The following PDCD6 variants were observed in gnomAD, a reference collection of about 807,000 sequenced individuals.
PDCD6 encodes the protein programmed cell death 6.
In PDCD6, 12 loss-of-function variants were observed where a neutral mutation model predicts 28.3. The observed-to-expected ratio is 0.42, with a 90% CI of 0.27 to 0.69. The LOEUF is 0.69. PDCD6 is among the 30% of genes least tolerant of loss of function. The pLI is 0.22. For missense variants in PDCD6, 226 were observed against 269.9 expected (o/e 0.84, Z 1.14); for synonymous variants, 92 against 108.0 (o/e 0.85, Z 0.92).
intron 2 of PDCD6, among the ~76,000 whole-genome samples, chr5:296,426 C>T (rs1739615756): frequency 6.6e-6 from 1 of 152,212 alleles, no homozygotes; most frequent in Non-Finnish European, 1.5e-5. Flanking sequence ...CACCTGGTGT[C>T]ACTGTTTGCA....
intron 2 of PDCD6, among the ~76,000 whole-genome samples, chr5:285,009 C>T (rs1213009747): frequency 1.3e-5 from 2 of 149,882 alleles, no homozygotes; most frequent in African/African-American, 4.9e-5. Context: ...ATCCGGGTCT[C>T]CAGCTGCACA....
intron 2 of PDCD6, among the ~76,000 whole-genome samples, chr5:278,871 G>C (rs1738381902): frequency 6.7e-6 from 1 of 150,374 alleles, no homozygotes; most frequent in Non-Finnish European, 1.5e-5. Context: ...TGGGGACACG[G>C]GAGGGGCTGG....
chr5:307,691 G>A lies in PDCD6; in HGVS notation c.367+931G>A, dbSNP rs1054832786. On this transcript the variant is annotated intron_variant, in intron 4 of 5. Coordinates refer to ENST00000264933, the MANE Select transcript of PDCD6 (RefSeq NM_013232.4). The surrounding 1 kb of genome is among the most constrained non-coding windows in gnomAD (Gnocchi z 6.1). ...TGGCCCCTGTTGTGAAGCCGCTTCC[G>A]TGATTTGCTTAAAAGGCTCCTTAGA... is the stretch of plus-strand genomic sequence containing the variant. 5.9e-5 allele frequency among the ~76,000 whole-genome samples: 9 copies of A among 152,104 alleles called. No homozygotes were observed. Among genetic ancestry groups the A allele is most frequent in the East Asian group, 1.9e-4 (1 of 5,184 alleles).
intron 2 of PDCD6, among the ~76,000 whole-genome samples, chr5:296,383 A>G (rs6885901): frequency 0.38 from 56,991 of 151,570 alleles, 12,351 homozygotes; most frequent in South Asian, 0.5. Flanking sequence ...TTCACGCCCC[A>G]CGTGCACCTG....
chr5:306,210 C>T (rs957171014), intron 3 of PDCD6: 3 of 229,342 alleles, frequency 1.3e-5, no homozygotes, highest in South Asian at 6.6e-5. Context: ...CGTTCTAGGC[C>T]GAGACCCAGG....
rs1740450754 is a variant in PDCD6 at position 305,924 on chromosome 5, C to T, written c.209-678C>T. On this transcript the variant is annotated intron_variant, in intron 3 of 5. Transcript: ENST00000264933. This position sits in a 1 kb window ranked among gnomAD's most constrained non-coding sequence, Gnocchi z 4.0. Reference sequence around the variant, plus strand: ...TAGTCTTATTGCAGTCCTGTATTAACCTCTGTTCTTGAAAAGAGACCACGT... The same window carrying T: ...TAGTCTTATTGCAGTCCTGTATTAATCTCTGTTCTTGAAAAGAGACCACGT... 2 of 153,124 alleles carry T rather than the reference C, an allele frequency of 1.3e-5. No individual in the cohort carries two copies. The highest frequency in any genetic ancestry group is 4.8e-5 in the African/African-American group (2 of 41,428). The allele number at this position is 153,124 out of a possible 1,614,324, so 9.5% of individuals were successfully genotyped here.
rs1233681594 is a variant in PDCD6 at position 293,465 on chromosome 5, T to C, written c.164-10712T>C. ...TGGGAGCTGCAAACGCCCGCGATACTGTCAGAGATGGAGAAAGGTATGACA... is the reference window on the plus strand; with the variant it reads ...TGGGAGCTGCAAACGCCCGCGATACCGTCAGAGATGGAGAAAGGTATGACA... On this transcript the variant is annotated intron_variant, in intron 2 of 5. Transcript: ENST00000264933. Among the ~76,000 whole-genome samples the C allele has an allele frequency of 1.2e-4, 11 of 93,912 alleles. 1 individual carries two copies. The highest frequency in any genetic ancestry group is 1.7e-4 in the Non-Finnish European group (7 of 40,010). 61.6% of individuals were successfully genotyped at this position (93,912 alleles called of 152,430 possible). A position where few individuals can be genotyped will look rare whatever the true frequency, so the allele number is the denominator to read the frequency against.
At chr5:288,311 T>TATACAC (rs34574011) in intron 2 of PDCD6, among the ~76,000 whole-genome samples, 154 of 144,950 alleles carry the variant, frequency 1.1e-3, no homozygotes, top group Middle Eastern at 3.6e-3. Context: ...TATATATATA[T>TATACAC]ACACATATGT....
intron 2 of PDCD6, among the ~76,000 whole-genome samples, chr5:290,731 G>A (rs1393451483): frequency 4.6e-5 from 7 of 152,244 alleles, no homozygotes; most frequent in African/African-American, 1.7e-4. Context: ...GATGCAGCAG[G>A]TGTCACAGAA....
intron 2 of PDCD6, among the ~76,000 whole-genome samples, chr5:277,427 G>A (rs542182158): frequency 2.1e-3 from 321 of 149,464 alleles, no homozygotes; most frequent in African/African-American, 7.4e-3. Context: ...TCAGCCTCCC[G>A]AGTAGCTGGG....
rs1193716143 is a variant in PDCD6, at chr5:271,729, C to T, written c.9C>T (p.Ala3=). 32 of 1,536,720 alleles carry T rather than the reference C, an allele frequency of 2.1e-5. No homozygotes were observed. Among genetic ancestry groups the T allele is most frequent in the Non-Finnish European group, 2.7e-5 (31 of 1,146,446 alleles). The change falls in exon 1 of 6, where the codon GCC becomes GCT. Residue 3 remains alanine (A), a synonymous_variant. Transcript: ENST00000264933. ...GCCGCGTGCCTTGGCCCATGGCCGC[C>T]TACTCTTACCGCCCCGGCCCTGGGG... MA[A]YSYRPGPGAG...
chr5:277,096 AAAT>A (rs1478902001), intron 2 of PDCD6, among the ~76,000 whole-genome samples: 20 of 152,300 alleles, frequency 1.3e-4, no homozygotes, highest in Admixed American at 5.9e-4. Context: ...GTACTTTAAA[AAAT>A]AATAATTCTT....
rs1391858846 is a variant in PDCD6 at position 307,083 on chromosome 5, G to A, written c.367+323G>A. Among the ~76,000 whole-genome samples the A allele has an allele frequency of 2.6e-5, 4 of 152,204 alleles. 1 individual carries two copies. The highest frequency in any genetic ancestry group is 5.9e-5 in the Non-Finnish European group (4 of 68,040). On this transcript the variant is annotated intron_variant, in intron 4 of 5. Transcript: ENST00000264933. This position sits in a 1 kb window ranked among gnomAD's most constrained non-coding sequence, Gnocchi z 6.1. ...AGTGGATCCATGAAAATACCGTGGG[G>A]CAGGGCAGCTTATATTTCATGATAG... is the stretch of plus-strand genomic sequence containing the variant.
intron 2 of PDCD6, among the ~76,000 whole-genome samples, chr5:280,769 G>A (rs1242855316): frequency 1.4e-5 from 2 of 144,354 alleles, no homozygotes; most frequent in African/African-American, 5.2e-5. Flanking sequence ...CCATAGACCA[G>A]GGCAGAGGGC....
At chr5:283,061 C>T (rs1420752194) in intron 2 of PDCD6, among the ~76,000 whole-genome samples, 3 of 151,938 alleles carry the variant, frequency 2.0e-5, no homozygotes, top group Admixed American at 6.6e-5. Context: ...CTTTGAGGGT[C>T]TTTCAGCTGG....
intron 2 of PDCD6, among the ~76,000 whole-genome samples, chr5:281,430 C>T (rs970875043): frequency 6.6e-6 from 1 of 152,068 alleles, no homozygotes; most frequent in African/African-American, 2.4e-5. Flanking sequence ...AGAGCTGGTG[C>T]TGCCACTGAT....
chr5:283,799 G>A (rs1738750631), intron 2 of PDCD6, among the ~76,000 whole-genome samples: 2 of 143,102 alleles, frequency 1.4e-5, no homozygotes, highest in South Asian at 4.5e-4. Context: ...AAAAGCTAAT[G>A]TTCAGTTTGA....
At chr5:282,068 C>CT in intron 2 of PDCD6, among the ~76,000 whole-genome samples, 1 of 147,954 alleles carries the variant, frequency 6.8e-6, no homozygotes, top group Non-Finnish European at 1.5e-5. Context: ...GTTTGAGGGT[C>CT]TTGCAGTTGA....
chr5:287,137 C>T (rs1739020751), intron 2 of PDCD6, among the ~76,000 whole-genome samples: 1 of 151,890 alleles, frequency 6.6e-6, no homozygotes, highest in South Asian at 2.1e-4. Context: ...CTGAGGGTCT[C>T]AGAGCTGGAG....
Sources: allele counts gnomAD v4.1 joint callset (sites outside exome capture counted in the v4.1 genomes callset), GRCh38; gene constraint gnomAD v4.1.1; non-coding constraint Gnocchi (gnomAD v3.1); transcripts MANE v1.5; gene names NCBI Gene and HGNC (gene_info 2026-07-23, HGNC 2026-07-21).